SNRPN: variants seen among roughly 807,000 people sequenced by gnomAD.
The protein encoded by SNRPN is small nuclear ribonucleoprotein polypeptide N, also known as small nuclear ribonucleoprotein-associated protein N.
In SNRPN, 7 loss-of-function variants were observed where a neutral mutation model predicts 25.2. The ratio of observed to expected loss-of-function variants is 0.28; its 90% confidence interval spans 0.16 to 0.52. SNRPN has a LOEUF of 0.52. SNRPN is among the 20% of genes least tolerant of loss of function. The pLI, the probability that SNRPN is intolerant of heterozygous loss-of-function variation, is 0.96. For missense variants in SNRPN, 196 were observed against 322.5 expected, an observed-to-expected ratio of 0.61 and a Z score of 3.00; for synonymous variants, 124 against 110.6, an observed-to-expected ratio of 1.12 and a Z score of -0.76.
chr15:24,976,164 A>AT (rs1555409641), intron 5 of SNRPN, 141 bp from the exon 6 acceptor site: 1 of 672,156 alleles, frequency 1.5e-6, no homozygotes, highest in Non-Finnish European at 2.6e-6. Context: ...GTTTACAGAT[A>AT]TTTTTTGGCT....
intron 2 of SNRPN, among the ~76,000 whole-genome samples, chr15:24,841,216 C>T (rs753724627): frequency 6.6e-6 from 1 of 151,966 alleles, no homozygotes; most frequent in Non-Finnish European, 1.5e-5. Flanking sequence ...GTATGCAGTA[C>T]CACTTTTTTT....
At chr15:24,916,388 T>C (rs1354192453) in intron 2 of SNRPN, among the ~76,000 whole-genome samples, 5 of 151,756 alleles carry the variant, frequency 3.3e-5, no homozygotes, top group Non-Finnish European at 5.9e-5. Context: ...GAGTGAGAGA[T>C]GGAGAGAGAT....
At chr15:24,978,363 A>C in intron 9 of SNRPN, 44 bp from the exon 10 acceptor site, 1 of 1,613,846 alleles carries the variant, frequency 6.2e-7, no homozygotes, top group South Asian at 1.1e-5. Flanking sequence ...AGGCCCCTGA[A>C]TATGTGTATC....
intron 1 of SNRPN, among the ~76,000 whole-genome samples, chr15:24,884,971 C>T (rs1487173784): frequency 6.6e-6 from 1 of 152,006 alleles, no homozygotes; most frequent in African/African-American, 2.4e-5. Context: ...GGAGAAATGC[C>T]TTGTATTTAA....
chr15:24,912,176 T>C (rs898811009), intron 2 of SNRPN, among the ~76,000 whole-genome samples: 2 of 152,174 alleles, frequency 1.3e-5, no homozygotes, highest in African/African-American at 4.8e-5. Flanking sequence ...TGCCATGGGG[T>C]CGAGCTATGT....
chr15:24,949,091 G>A (rs1355671898), intron 3 of SNRPN, among the ~76,000 whole-genome samples: 6 of 136,298 alleles, frequency 4.4e-5, no homozygotes, highest in Non-Finnish European at 1.5e-5. Flanking sequence ...GCGCAATCTC[G>A]GCTCATTGCA....
intron 6 of SNRPN, 117 bp downstream of exon 6, chr15:24,976,533 G>T (rs768151517): frequency 6.1e-5 from 47 of 772,566 alleles, no homozygotes; most frequent in Non-Finnish European, 1.0e-4. Context: ...AATAAAATGT[G>T]CCAGGCACTT....
intron 1 of SNRPN, among the ~76,000 whole-genome samples, chr15:24,879,030 A>G (rs1280058034): frequency 6.6e-6 from 1 of 151,920 alleles, no homozygotes; most frequent in Non-Finnish European, 1.5e-5. Flanking sequence ...ATATTTTTAA[A>G]ATATATTTAA....
chr15:24,827,002 G>A (rs1498307), intron 1 of SNRPN, among the ~76,000 whole-genome samples: 121,227 of 151,726 alleles, frequency 0.8, 49,058 homozygotes, highest in East Asian at 0.91. Flanking sequence ...ACACGATGGT[G>A]TCATATCCCA....
In SNRPN at chr15:24,881,593, G is replaced by T. The variant is rs1315656990; in HGVS notation, c.-578-4923G>T. 5.5e-4 allele frequency among the ~76,000 whole-genome samples: 32 copies of T among 57,714 alleles called. 1 individual carries two copies. The highest frequency in any genetic ancestry group is 3.5e-3 in the South Asian group (5 of 1,436). 37.9% of individuals were successfully genotyped at this position (57,714 alleles called of 152,430 possible). On this transcript the variant is annotated intron_variant, in intron 1 of 11. Coordinates refer to the SNRPN transcript ENST00000400097. ...GGAGGGAGGGAGGGAGGGAGAGAGA[G>T]AGAGAGAGAGAGAGAGAGAGAGAGA...
At chr15:24,960,823 T>C (rs1399645256) in intron 1 of SNRPN, among the ~76,000 whole-genome samples, 1 of 152,178 alleles carries the variant, frequency 6.6e-6, no homozygotes, top group Non-Finnish European at 1.5e-5. Flanking sequence ...ACAAAAGCTG[T>C]AGATAGTTAA....
chr15:24,951,227 ACATTTGTAAGCATTG>A (rs1244710901), upstream of SNRPN, among the ~76,000 whole-genome samples: 3 of 152,236 alleles, frequency 2.0e-5, no homozygotes, highest in African/African-American at 7.2e-5. Context: ...TTCAGGGTTA[ACATTTGTAAGCATTG>A]CCAAACTCTT....
chr15:24,935,165 G>C (rs143315840), intron 3 of SNRPN, among the ~76,000 whole-genome samples: 3 of 151,856 alleles, frequency 2.0e-5, no homozygotes, highest in Non-Finnish European at 4.4e-5. Context: ...CCAGCTACTC[G>C]TGAGGCTGAG....
At chr15:24,862,241 A>G (rs1315232612) in intron 1 of SNRPN, among the ~76,000 whole-genome samples, 1 of 151,238 alleles carries the variant, frequency 6.6e-6, no homozygotes, top group African/African-American at 2.5e-5. Flanking sequence ...AGCGAATTTT[A>G]GAGAACAAAA....
Position 24,975,480 on chromosome 15 carries a change from C to G in SNRPN, c.126C>G (p.Leu42=). The change falls in exon 5 of 10, where the codon CTC becomes CTG. Residue 42 remains leucine (L), a synonymous_variant. Transcript: ENST00000390687. ...TTGACAAGCATATGAATTTGATCCTCTGTGATTGTGATGAGTTCAGAAAGA... is the reference window on the plus strand; with the variant it reads ...TTGACAAGCATATGAATTTGATCCTGTGTGATTGTGATGAGTTCAGAAAGA... ...KAFDKHMNLI[L]CDCDEFRKIK... The G allele has an allele frequency of 6.2e-7, 1 of 1,613,976 alleles. No individual in the cohort carries two copies. Among genetic ancestry groups the G allele is most frequent in the South Asian group, 1.1e-5 (1 of 91,064 alleles).
At position 24,968,041 on chromosome 15, in the gene SNRPN, C is replaced by T. The variant is rs556831171; in HGVS notation, c.-185C>T. On this transcript the variant is annotated 5_prime_UTR_variant, in exon 3 of 10. Transcript: ENST00000390687. ...TGAGACACCAAGAGGTGGTTAAAGC[C>T]ATATTGGAGTAGCGAGGAATCTGAT... 266 of 1,613,234 alleles carry T rather than the reference C, an allele frequency of 1.6e-4. 3 individuals are homozygous for T. In the South Asian group the frequency reaches 2.8e-3, roughly 17 times the overall value.
rs1297827382 is a variant in SNRPN at position 24,975,515 on chromosome 15, G to C, written c.155+6G>C. The C allele has an allele frequency of 1.2e-6, 2 of 1,611,754 alleles. No individual in the cohort carries two copies. Among genetic ancestry groups the C allele is most frequent in the East Asian group, 4.5e-5 (2 of 44,854 alleles). ...GATGAGTTCAGAAAGATCAAGTAAG[G>C]CTGATTTGGGCAAATGGGGGTTGGA... On this transcript the variant is annotated splice_donor_region_variant and intron_variant, in intron 5 of 9. Transcript: ENST00000390687.
chr15:24,968,573 C>T (rs1206995837), intron 3 of SNRPN, among the ~76,000 whole-genome samples: 2 of 151,994 alleles, frequency 1.3e-5, no homozygotes, highest in Non-Finnish European at 2.9e-5. Flanking sequence ...AATTAGTATT[C>T]ATTGCTTTCG....
At chr15:24,844,299 T>G (rs2051995282) in intron 2 of SNRPN, among the ~76,000 whole-genome samples, 1 of 152,206 alleles carries the variant, frequency 6.6e-6, no homozygotes, top group Admixed American at 6.5e-5. Flanking sequence ...CTCATTAACT[T>G]GTTCGTCATC....
Sources: allele counts gnomAD v4.1 joint callset (sites outside exome capture counted in the v4.1 genomes callset), GRCh38; gene constraint gnomAD v4.1.1; transcripts MANE v1.5; gene names NCBI Gene and HGNC (gene_info 2026-07-23, HGNC 2026-07-21).